The following AKAP12 variants were observed in gnomAD, a reference collection of about 807,000 sequenced individuals.
The protein encoded by AKAP12 is A-kinase anchoring protein 12.
AKAP12 carries 32 observed loss-of-function variants against 79.9 expected under a neutral mutation model. That is an observed-to-expected ratio of 0.40 (90% confidence interval 0.30 to 0.54). The LOEUF (loss-of-function observed/expected upper bound fraction) is 0.54. Ranked by LOEUF, AKAP12 falls within the 20% of genes least tolerant of loss-of-function variation. The pLI is 0.48. For synonymous variants in AKAP12, 808 were observed against 857.0 expected (o/e 0.94, Z 1.00); for missense variants, 2,074 against 2,177.0 (o/e 0.95, Z 0.94).
rs1778300545 is a variant in AKAP12, at chr6:151,351,849, T to G, written c.3458T>G (p.Val1153Gly). 6.2e-7 allele frequency: 1 copy of G among 1,613,836 alleles called. No homozygotes were observed. The highest frequency in any genetic ancestry group is 8.5e-7 in the Non-Finnish European group (1 of 1,179,984). The change falls in exon 4 of 5, where the codon GTG (valine) becomes GGG (glycine). Residue 1153 changes from valine to glycine, a missense_variant. Around this residue, in one of 3 missense-constraint regions of AKAP12, gnomAD observed 1,428 missense variants for 1,451.0 expected, o/e 0.98. Coordinates refer to ENST00000402676, the MANE Select transcript of AKAP12 (RefSeq NM_005100.4). The surrounding 1 kb of genome is among the most constrained non-coding windows in gnomAD (Gnocchi z 4.4). ...GCTGGGGTAAAATCACAGGAGATGG[T>G]GATGGAACAGGCTATCCCCCCTGAC... ...TLAGVKSQEM[V>G]MEQAIPPDSV...
At chr6:151,335,541 C>T (rs1427882336) in intron 3 of AKAP12, among the ~76,000 whole-genome samples, 1 of 152,096 alleles carries the variant, frequency 6.6e-6, no homozygotes, top group Admixed American at 6.6e-5. Context: ...GCACGATCTC[C>T]ACTCATTGCC....
intron 3 of AKAP12, 26 bp from the exon 4 acceptor site, chr6:151,348,685 A>ACC (rs574204537): frequency 1.9e-4 from 31 of 164,742 alleles, no homozygotes; most frequent in South Asian, 3.3e-4. Flanking sequence ...TCTTCTCCCC[A>ACC]CCCCCCCGCC....
At chr6:151,264,311 C>G (rs1017997778) in intron 2 of AKAP12, among the ~76,000 whole-genome samples, 3 of 146,954 alleles carry the variant, frequency 2.0e-5, no homozygotes, top group African/African-American at 7.6e-5. Flanking sequence ...TAGTTTTGCT[C>G]AAAGTGCCAC....
At chr6:151,261,832 A>C (rs891787628) in intron 2 of AKAP12, among the ~76,000 whole-genome samples, 2 of 150,712 alleles carry the variant, frequency 1.3e-5, no homozygotes, top group African/African-American at 4.9e-5. Flanking sequence ...AGCTCGGCTC[A>C]CTGCAACCTC....
At position 151,311,218 on chromosome 6, in the gene AKAP12, G is replaced by A. The variant is rs556035963; in HGVS notation, c.319+5315G>A. On this transcript the variant is annotated intron_variant, in intron 3 of 4. Transcript: ENST00000402676. The stretch of plus-strand genomic sequence containing the variant: ...TTCTTGGCTTCAAGCTTCCTTCCAC[G>A]TCAGCCTCCCAAAGTCTTGGGACTA... Among the ~76,000 whole-genome samples, 14 of 152,240 alleles carry A rather than the reference G, an allele frequency of 9.2e-5. No individual in the cohort carries two copies. In the South Asian group the frequency reaches 2.7e-3, roughly 29 times the overall value.
At chr6:151,331,592 T>C (rs1373909140) in intron 3 of AKAP12, among the ~76,000 whole-genome samples, 1 of 152,152 alleles carries the variant, frequency 6.6e-6, no homozygotes. Context: ...ACTGCATCTT[T>C]TTAAAAGTTT....
intron 2 of AKAP12, among the ~76,000 whole-genome samples, chr6:151,258,696 A>G (rs1035104763): frequency 6.6e-5 from 10 of 152,006 alleles, no homozygotes; most frequent in Non-Finnish European, 1.2e-4. Context: ...CCCAGGCTGG[A>G]GTGCAGTGGC....
At chr6:151,337,524 A>AAAAAAAAAAAAAAAAAGAAAG (rs535027217) in intron 3 of AKAP12, among the ~76,000 whole-genome samples, 2 of 129,782 alleles carry the variant, frequency 1.5e-5, no homozygotes, top group East Asian at 2.2e-4. Flanking sequence ...AAAAAAAAAA[A>AAAAAAAAAAAAAAAAAGAAAG]AAAGAAAGAA....
rs185439075 is a variant in AKAP12 at position 151,310,476 on chromosome 6, G to C, written c.319+4573G>C. On this transcript the variant is annotated intron_variant, in intron 3 of 4. Transcript: ENST00000402676. ...AAAGTTTTGCAGGCTGGGGGCGGTG[G>C]CTCACGCCTGTAATCACAGCCCTTG... 4.7e-3 allele frequency among the ~76,000 whole-genome samples: 710 copies of C among 152,322 alleles called. 2 individuals are homozygous for C. The highest frequency in any genetic ancestry group is 0.017 in the African/African-American group (687 of 41,580).
At chr6:151,252,927 G>C (rs1431715561) in intron 2 of AKAP12, among the ~76,000 whole-genome samples, 1 of 152,128 alleles carries the variant, frequency 6.6e-6, no homozygotes, top group Non-Finnish European at 1.5e-5. Context: ...GAGGTTGCTT[G>C]GGGAATGCGT....
At chr6:151,301,991 ATG>A (rs567609962) in intron 2 of AKAP12, among the ~76,000 whole-genome samples, 40 of 150,354 alleles carry the variant, frequency 2.7e-4, no homozygotes, top group South Asian at 6.4e-4. Context: ...GTACTTTGCT[ATG>A]TGTGTGTAAC....
rs1389891557 is a variant in AKAP12 at position 151,348,702 on chromosome 6, T to A, written c.320-9T>A. 1 of 425,336 alleles carries A rather than the reference T, an allele frequency of 2.4e-6. No individual in the cohort carries two copies. The highest frequency in any genetic ancestry group is 4.7e-5 in the East Asian group (1 of 21,166). 26.3% of individuals were successfully genotyped at this position (425,336 alleles called of 1,614,324 possible). On this transcript the variant is annotated splice_polypyrimidine_tract_variant and intron_variant, in intron 3 of 4. Transcript: ENST00000402676. ...TTCTCCCCACCCCCCCGCCCCTTTTTGTTAATAGTTGGACAGAGAGACTCT... is the reference window on the plus strand; with the variant it reads ...TTCTCCCCACCCCCCCGCCCCTTTTAGTTAATAGTTGGACAGAGAGACTCT...
At chr6:151,264,670 CAA>C (rs11300375) in intron 2 of AKAP12, among the ~76,000 whole-genome samples, 1,058 of 95,976 alleles carry the variant, frequency 0.011, 12 homozygotes, top group African/African-American at 0.029. Context: ...GACTTCATCT[CAA>C]AAAAAAAAAA....
intron 2 of AKAP12, among the ~76,000 whole-genome samples, chr6:151,259,509 TATACAC>T (rs1399034318): frequency 3.3e-4 from 30 of 92,080 alleles, no homozygotes; most frequent in African/African-American, 9.9e-4. Flanking sequence ...TGTATATATA[TATACAC>T]ACACACACAC....
intron 2 of AKAP12, among the ~76,000 whole-genome samples, chr6:151,273,703 G>T (rs1348332639): frequency 6.6e-6 from 1 of 152,172 alleles, no homozygotes; most frequent in Non-Finnish European, 1.5e-5. Flanking sequence ...AATGGAAAAA[G>T]AATGGCTAGG....
intron 2 of AKAP12, among the ~76,000 whole-genome samples, chr6:151,265,749 C>G (rs1318633822): frequency 1.3e-5 from 2 of 152,182 alleles, no homozygotes; most frequent in African/African-American, 4.8e-5. Context: ...CCATCCATCC[C>G]TCATCAGTCT....
At chr6:151,318,796 A>G (rs528189729) in intron 3 of AKAP12, among the ~76,000 whole-genome samples, 23 of 152,046 alleles carry the variant, frequency 1.5e-4, no homozygotes, top group Non-Finnish European at 2.9e-4. Flanking sequence ...TAAAAAAATT[A>G]TCTAGGTGTG....
chr6:151,344,858 G>T (rs772531334), intron 3 of AKAP12, among the ~76,000 whole-genome samples: 2 of 151,964 alleles, frequency 1.3e-5, no homozygotes, highest in Non-Finnish European at 2.9e-5. Flanking sequence ...ACTTTCTGGG[G>T]TTCAGTTTCA....
chr6:151,349,201 A>G lies in AKAP12; in HGVS notation c.810A>G (p.Glu270=). 6.2e-7 allele frequency: 1 copy of G among 1,613,792 alleles called. No homozygotes were observed. Among genetic ancestry groups the G allele is most frequent in the Non-Finnish European group, 8.5e-7 (1 of 1,180,034 alleles). ...QAVEECKEEG[E]EKQEKEPSKS... is the part of the protein sequence containing the mutation. ...TGGAGGAATGCAAAGAGGAAGGAGA[A>G]GAGAAACAAGAAAAAGAACCTAGCA... The change falls in exon 4 of 5, where the codon GAA becomes GAG. Residue 270 remains glutamate, a synonymous_variant. Transcript: ENST00000402676.
Sources: allele counts gnomAD v4.1 joint callset (sites outside exome capture counted in the v4.1 genomes callset), GRCh38; gene constraint gnomAD v4.1.1; regional missense constraint gnomAD v4.1.1; non-coding constraint Gnocchi (gnomAD v3.1); transcripts MANE v1.5; gene names NCBI Gene and HGNC (gene_info 2026-07-23, HGNC 2026-07-21).